PRKCH: variants seen among roughly 807,000 people sequenced by gnomAD.
The protein encoded by PRKCH is protein kinase C eta.
Under a neutral mutation model 82.5 loss-of-function variants are expected in PRKCH, and 28 were observed. That is an observed-to-expected ratio of 0.34 (90% CI 0.25 to 0.47). The LOEUF is 0.47. Ranked by LOEUF, PRKCH falls within the 20% of genes least tolerant of loss-of-function variation. The pLI is 1.00. For missense variants in PRKCH, 705 were observed against 881.8 expected (o/e 0.80, Z 2.54); for synonymous variants, 322 against 327.4 (o/e 0.98, Z 0.18).
At chr14:61,197,616 G>GTCCATTCATCCATGAATGAATTAA (rs1376825925) in intron 1 of PRKCH, among the ~76,000 whole-genome samples, 2 of 152,136 alleles carry the variant, frequency 1.3e-5, no homozygotes, top group African/African-American at 2.4e-5. Flanking sequence ...TAACCCATTA[G>GTCCATTCATCCATGAATGAATTAA]TCCATTCATC....
At chr14:61,189,188 A>G (rs1215893973) in intron 1 of PRKCH, among the ~76,000 whole-genome samples, 4 of 152,330 alleles carry the variant, frequency 2.6e-5, no homozygotes, top group South Asian at 2.1e-4. Flanking sequence ...CGCGCTCCCT[A>G]CAGGGGGAAG....
At chr14:61,256,749 T>C (rs1267117178) in intron 1 of PRKCH, among the ~76,000 whole-genome samples, 1 of 152,220 alleles carries the variant, frequency 6.6e-6, no homozygotes, top group Non-Finnish European at 1.5e-5. Flanking sequence ...TTGATCCTAG[T>C]ATGTGAATTG....
At chr14:61,528,141 CTATT>C (rs1439070387) in intron 10 of PRKCH, 2 of 128,846 alleles carry the variant, frequency 1.6e-5, no homozygotes, top group Non-Finnish European at 3.4e-5. Flanking sequence ...AAATATATAT[CTATT>C]TGTTTTACAC....
chr14:61,514,280 G>C (rs1477499864), intron 10 of PRKCH, among the ~76,000 whole-genome samples: 1 of 149,772 alleles, frequency 6.7e-6, no homozygotes, highest in African/African-American at 2.5e-5. Context: ...ATCCTGTTTG[G>C]GCAGTCAGTG....
intron 1 of PRKCH, among the ~76,000 whole-genome samples, chr14:61,284,465 A>C (rs1014659756): frequency 2.0e-5 from 3 of 152,212 alleles, no homozygotes; most frequent in Admixed American, 2.0e-4. Flanking sequence ...GGGAGGAAAA[A>C]GTGCTGGTAT....
At chr14:61,539,728 A>C (rs1472896627) in intron 12 of PRKCH, among the ~76,000 whole-genome samples, 1 of 151,914 alleles carries the variant, frequency 6.6e-6, no homozygotes, top group East Asian at 1.9e-4. Flanking sequence ...CAGAGTTTTT[A>C]GTGATAAATG....
intron 1 of PRKCH, among the ~76,000 whole-genome samples, chr14:61,380,060 TTTG>T (rs141270160): frequency 0.072 from 10,922 of 152,056 alleles, 541 homozygotes; most frequent in East Asian, 0.2. Flanking sequence ...TTTGTTTTGT[TTTG>T]TTTTGTTTTA....
chr14:61,328,364 G>A (rs923374371), intron 1 of PRKCH, among the ~76,000 whole-genome samples: 7 of 127,742 alleles, frequency 5.5e-5, no homozygotes, highest in African/African-American at 8.6e-5. Flanking sequence ...CTGCTCTTAC[G>A]TCATTTTAAA....
intron 1 of PRKCH, among the ~76,000 whole-genome samples, chr14:61,225,852 C>G (rs1251042737): frequency 2.6e-5 from 4 of 152,162 alleles, no homozygotes; most frequent in Middle Eastern, 3.4e-3. Flanking sequence ...GATTCTCCAG[C>G]CTCATCCTCC....
chr14:61,506,054 C>T (rs1887132551), intron 10 of PRKCH, among the ~76,000 whole-genome samples: 1 of 152,076 alleles, frequency 6.6e-6, no homozygotes, highest in Non-Finnish European at 1.5e-5. Context: ...TACTTTAGTT[C>T]CACATCAATG....
At chr14:61,296,598 C>T (rs1286657081) in intron 1 of PRKCH, among the ~76,000 whole-genome samples, 2 of 152,174 alleles carry the variant, frequency 1.3e-5, no homozygotes, top group African/African-American at 4.8e-5. Context: ...TCTTGAAGGG[C>T]TGCAGGGAGA....
At chr14:61,425,672 A>G (rs1214645130) in intron 2 of PRKCH, among the ~76,000 whole-genome samples, 1 of 152,114 alleles carries the variant, frequency 6.6e-6, no homozygotes, top group Non-Finnish European at 1.5e-5. Flanking sequence ...ATGAGTTAAG[A>G]CTTTGGTGAA....
At chr14:61,462,894 C>T (rs1485190208) in intron 9 of PRKCH, among the ~76,000 whole-genome samples, 1 of 152,208 alleles carries the variant, frequency 6.6e-6, no homozygotes, top group East Asian at 1.9e-4. Flanking sequence ...AGCCGAGGAT[C>T]CCTTAGATTG....
chr14:61,277,552 C>A (rs1012642443), intron 1 of PRKCH: 2 of 152,202 alleles, frequency 1.3e-5, no homozygotes, highest in African/African-American at 4.8e-5. Context: ...CAAAATGTTA[C>A]AGCACAGGGA....
chr14:61,215,224 C>A (rs10135069), intron 1 of PRKCH, among the ~76,000 whole-genome samples: 1 of 152,082 alleles, frequency 6.6e-6, no homozygotes, highest in African/African-American at 2.4e-5. Flanking sequence ...GAGGAACATT[C>A]ACAACCAGTA....
chr14:61,511,590 T>C (rs997752388), intron 10 of PRKCH, among the ~76,000 whole-genome samples: 3 of 152,228 alleles, frequency 2.0e-5, no homozygotes. Flanking sequence ...GCTTGGCTCC[T>C]TTATGGCATA....
At chr14:61,515,425 A>G (rs974099148) in intron 10 of PRKCH, among the ~76,000 whole-genome samples, 6 of 152,208 alleles carry the variant, frequency 3.9e-5, no homozygotes, top group Non-Finnish European at 8.8e-5. Context: ...GGCGTTTGAC[A>G]GTCTAGGATG....
intron 10 of PRKCH, among the ~76,000 whole-genome samples, chr14:61,513,431 G>A (rs1181089754): frequency 6.6e-6 from 1 of 152,146 alleles, no homozygotes; most frequent in Non-Finnish European, 1.5e-5. Flanking sequence ...CAGGCGGAGA[G>A]ACACCAAACT....
chr14:61,282,533 C>T (rs937994700), intron 1 of PRKCH, among the ~76,000 whole-genome samples: 2 of 152,150 alleles, frequency 1.3e-5, no homozygotes, highest in African/African-American at 4.8e-5. Flanking sequence ...TTGTTAGCAT[C>T]TTCCAAGTGT....
Sources: gnomAD v4.1 joint callset for allele counts (sites outside exome capture counted in the v4.1 genomes callset) on GRCh38, gnomAD v4.1.1 for gene constraint, MANE v1.5 for transcripts, NCBI Gene and HGNC (gene_info 2026-07-23, HGNC 2026-07-21) for gene names.